Variants in EEF1D observed in about 807,000 individuals in gnomAD.
The protein encoded by EEF1D is eukaryotic translation elongation factor 1 delta.
A neutral mutation model predicts 63.9 loss-of-function variants in EEF1D; 47 were observed. That is an observed-to-expected ratio of 0.74 (90% CI 0.58 to 0.94). The LOEUF (loss-of-function observed/expected upper bound fraction) is 0.94, where lower values mean the gene tolerates loss of function less well. Ranked by LOEUF, EEF1D falls within the 40% of genes least tolerant of loss-of-function variation. The pLI, the probability that EEF1D is intolerant of heterozygous loss-of-function variation, is 0.00. For missense variants in EEF1D, 907 were observed against 899.0 expected (o/e 1.01, Z -0.11); for synonymous variants, 412 against 386.1 (o/e 1.07, Z -0.79).
In EEF1D at chr8:143,581,099, C is replaced by T; in HGVS notation, c.1443G>A (p.Leu481=). ...CCCGGTGGCCAGGCGAGCTCTTCTC[C>T]AGCACGTTCAGCCGGGCCTCCAGCT... is the stretch of plus-strand genomic sequence containing the variant. The part of the protein sequence containing the change: ...ISKLEARLNV[L]EKSSPGHRAT... Residue 481 remains leucine, a synonymous_variant, in exon 7 of 10, where the codon CTG becomes CTA. Transcript: ENST00000618139. The T allele has an allele frequency of 1.9e-6, 3 of 1,612,752 alleles. No individual in the cohort carries two copies. Among genetic ancestry groups the T allele is most frequent in the Non-Finnish European group, 2.5e-6 (3 of 1,179,954 alleles).
chr8:143,590,470 C>G, intron 2 of EEF1D: 1 of 1,049,196 alleles, frequency 9.5e-7, no homozygotes, highest in Non-Finnish European at 1.3e-6. Flanking sequence ...AACTGGCTAA[C>G]TAGCTTTCCC....
chr8:143,588,959 G>A, intron 3 of EEF1D, 32 bp downstream of exon 3: 1 of 1,580,002 alleles, frequency 6.3e-7, no homozygotes, highest in Non-Finnish European at 8.5e-7. Context: ...CCACAGCCCA[G>A]GCTGGGTGCC....
In EEF1D at chr8:143,589,031, C is replaced by A. The variant is rs535290278; in HGVS notation, c.1051G>T (p.Gly351Cys). ...LEAASLSHRPGPRSGLSVSSL... is the reference protein window; with the variant it reads ...LEAASLSHRPCPRSGLSVSSL... Reference sequence around the variant, plus strand: ...GACACGGACAGGCCAGACCGAGGACCGGGTCGGTGAGACAGGGAGGCAGCT... The same window carrying A: ...GACACGGACAGGCCAGACCGAGGACAGGGTCGGTGAGACAGGGAGGCAGCT... The change falls in exon 3 of 10, where the codon GGT (glycine) becomes TGT (cysteine). Residue 351 changes from glycine to cysteine, a missense_variant. Physicochemically the swap from Gly to Cys is radical, Grantham distance 159. Coordinates refer to ENST00000618139, the MANE Select transcript of EEF1D (RefSeq NM_001130053.5). The A allele has an allele frequency of 4.4e-6, 7 of 1,602,384 alleles. No homozygotes were observed. Among genetic ancestry groups the A allele is most frequent in the African/African-American group, 2.7e-5 (2 of 74,882 alleles).
At position 143,585,766 on chromosome 8, in the gene EEF1D, C is replaced by T. The variant is rs370822953; in HGVS notation, c.1287+453G>A. 6.6e-5 allele frequency among the ~76,000 whole-genome samples: 10 copies of T among 152,338 alleles called. 1 individual carries two copies. Among genetic ancestry groups the T allele is most frequent in the Admixed American group, 2.6e-4 (4 of 15,302 alleles). The stretch of plus-strand genomic sequence containing the variant: ...CTCCTTCTGGGTCTCCAACTCAAGA[C>T]GGTGCCAACTCTAGGCTCTGAACTC... On this transcript the variant is annotated intron_variant, in intron 5 of 9. Coordinates refer to ENST00000618139, the MANE Select transcript of EEF1D (RefSeq NM_001130053.5).
At chr8:143,591,264 C>T (rs1192902774) in intron 2 of EEF1D, among the ~76,000 whole-genome samples, 2 of 152,238 alleles carry the variant, frequency 1.3e-5, no homozygotes, top group Non-Finnish European at 2.9e-5. Flanking sequence ...CCACTTGCTA[C>T]TGTGGCCTGG....
intron 5 of EEF1D, among the ~76,000 whole-genome samples, chr8:143,585,878 C>T (rs1826486520): frequency 6.6e-6 from 1 of 152,248 alleles, no homozygotes; most frequent in Non-Finnish European, 1.5e-5. Flanking sequence ...GACACACAGT[C>T]CTGCCACAGG....
intron 7 of EEF1D, 82 bp downstream of exon 7, chr8:143,580,972 C>G: frequency 3.4e-6 from 5 of 1,469,656 alleles, no homozygotes; most frequent in Non-Finnish European, 4.7e-6. Context: ...ATCACTGCTG[C>G]TGGGGCCAGC....
chr8:143,582,601 C>G (rs576939623), intron 5 of EEF1D: 1 of 152,400 alleles, frequency 6.6e-6, no homozygotes, highest in South Asian at 2.1e-4. Context: ...GGAAGAGGCA[C>G]TAAGTCAGCA....
rs1437466742 is a variant in EEF1D, at chr8:143,589,078, A to C, written c.1004T>G (p.Leu335Arg). ...AECRHHAAEA[L>R]RVAWCLEAAS... ...AGCTTCGAGGCACCAGGCCACCCGC[A>C]GGGCCTCGGCAGCGTGGTGGCGGCA... is the stretch of plus-strand genomic sequence containing the variant. Residue 335 changes from leucine (L) to arginine (R), a missense_variant, in exon 3 of 10, where the codon CTG becomes CGG. Coordinates refer to ENST00000618139, the MANE Select transcript of EEF1D (RefSeq NM_001130053.5). 31 of 1,609,186 alleles carry C rather than the reference A, an allele frequency of 1.9e-5. No individual in the cohort carries two copies. The highest frequency in any genetic ancestry group is 2.5e-5 in the Non-Finnish European group (29 of 1,179,336).
At chr8:143,582,792 C>T (rs1410282580) in intron 5 of EEF1D, 1 of 152,228 alleles carries the variant, frequency 6.6e-6, no homozygotes. Context: ...AACGGGCAGG[C>T]TCAGGTCACC....
chr8:143,586,391 G>C, intron 4 of EEF1D, 101 bp from the exon 5 acceptor site: 1 of 1,125,986 alleles, frequency 8.9e-7, no homozygotes, highest in Non-Finnish European at 1.2e-6. Flanking sequence ...CATAGAGACA[G>C]CAAGAAAGTA....
At chr8:143,595,768 C>T (rs1194861818) in intron 1 of EEF1D, among the ~76,000 whole-genome samples, 3 of 152,206 alleles carry the variant, frequency 2.0e-5, no homozygotes, top group Non-Finnish European at 2.9e-5. Context: ...CCGGCGCAGC[C>T]CCTGTGCCTC....
intron 4 of EEF1D, 85 bp from the exon 5 acceptor site, chr8:143,586,375 C>A (rs1297537385): frequency 1.6e-6 from 2 of 1,264,778 alleles, no homozygotes; most frequent in Admixed American, 2.7e-5. Flanking sequence ...ACCCCATGAA[C>A]CCTCACATAG....
chr8:143,596,596 G>T (rs974217553), intron 1 of EEF1D: 1 of 152,312 alleles, frequency 6.6e-6, no homozygotes, highest in South Asian at 2.1e-4. Flanking sequence ...GTCAACTTAA[G>T]AAGCACCCCG....
At chr8:143,580,795 A>ACTTCCTGGC in intron 7 of EEF1D, 68 bp from the exon 8 acceptor site, 1 of 1,555,578 alleles carries the variant, frequency 6.4e-7, no homozygotes, top group East Asian at 2.2e-5. Flanking sequence ...CTGCCTGGCC[A>ACTTCCTGGC]CCTCCTGGCC....
At position 143,589,886 on chromosome 8, in the gene EEF1D, G is replaced by A. The variant is rs752981152; in HGVS notation, c.196C>T (p.Pro66Ser). ...GGATCACGCCTGCTGCCGCCGTCAG[G>A]GGCTTCCGCCTCATCAGCGTCCTCA... The part of the protein sequence containing the change: ...DPEDADEAEA[P>S]DGGSRRDPRK... The change falls in exon 3 of 10, where the codon CCT (proline) becomes TCT (serine). Residue 66 changes from proline (P) to serine (S), a missense_variant. Coordinates refer to ENST00000618139, the MANE Select transcript of EEF1D (RefSeq NM_001130053.5). 3.1e-6 allele frequency: 5 copies of A among 1,598,796 alleles called. No individual in the cohort carries two copies. The highest frequency in any genetic ancestry group is 2.7e-5 in the African/African-American group (2 of 74,688).
At position 143,581,044 on chromosome 8, in the gene EEF1D, G is replaced by C. The variant is rs199657342; in HGVS notation, c.1488+10C>G. 8.7e-6 allele frequency: 14 copies of C among 1,610,846 alleles called. No individual in the cohort carries two copies. The African/African-American group carries it at 1.2e-4, about 14-fold the overall frequency. ...TCCCCTGCAGTGTCAGGCGTGGGGA[G>C]AGCATTCACCTGGGTCTGTGGGGCC... is the stretch of plus-strand genomic sequence containing the variant. On this transcript the variant is annotated intron_variant, in intron 7 of 9. Coordinates refer to ENST00000618139, the MANE Select transcript of EEF1D (RefSeq NM_001130053.5).
Position 143,580,509 on chromosome 8 carries a change from C to T in EEF1D, c.1707G>A (p.Lys569=). The part of the protein sequence containing the change: ...VAKSSILLDV[K]PWDDETDMAQ... ...AAGCCCCACCCCGCCCACTCACAGG[C>T]TTGACATCCAGCAGGATGGAGGACT... Residue 569 remains lysine (K), a synonymous_variant, in exon 8 of 10, where the codon AAG becomes AAA. Transcript: ENST00000618139. The T allele has an allele frequency of 6.2e-7, 1 of 1,611,922 alleles. No individual in the cohort carries two copies. Among genetic ancestry groups the T allele is most frequent in the Non-Finnish European group, 8.5e-7 (1 of 1,179,316 alleles).
chr8:143,590,483 C>A, intron 2 of EEF1D: 8 of 1,113,490 alleles, frequency 7.2e-6, no homozygotes, highest in Non-Finnish European at 9.4e-6. Flanking sequence ...GCTTTCCCTG[C>A]ATTTTTCCAC....
Sources: allele counts gnomAD v4.1 joint callset (sites outside exome capture counted in the v4.1 genomes callset), GRCh38; gene constraint gnomAD v4.1.1; transcripts MANE v1.5; gene names NCBI Gene and HGNC (gene_info 2026-07-23, HGNC 2026-07-21).